SOX5: variants seen among roughly 807,000 people sequenced by gnomAD.
SOX5 encodes SRY-box transcription factor 5, also known as transcription factor SOX-5.
SOX5 carries 9 observed loss-of-function variants against 92.0 expected under a neutral mutation model. That is an observed-to-expected ratio of 0.10 (90% CI 0.06 to 0.17). The LOEUF (loss-of-function observed/expected upper bound fraction) is 0.17. SOX5 is among the 10% of genes least tolerant of loss of function. The pLI, the probability that SOX5 is intolerant of heterozygous loss-of-function variation, is 1.00. For missense variants in SOX5, 642 were observed against 944.5 expected (o/e 0.68, Z 4.20); for synonymous variants, 344 against 336.3 (o/e 1.02, Z -0.25).
chr12:24,027,711 T>A (rs1192769364), intron 4 of SOX5, among the ~76,000 whole-genome samples: 2 of 151,764 alleles, frequency 1.3e-5, no homozygotes, highest in Admixed American at 6.6e-5. Context: ...AGATGAAAAG[T>A]CACAAGGAGG....
intron 1 of SOX5, among the ~76,000 whole-genome samples, chr12:24,425,501 T>G (rs1186772711): frequency 6.6e-6 from 1 of 152,216 alleles, no homozygotes; most frequent in Admixed American, 6.5e-5. Flanking sequence ...TTGGAAGAGA[T>G]TGCAAAGCTG....
At position 24,228,750 on chromosome 12, in the gene SOX5, C is replaced by A. The variant is rs570559228; in HGVS notation, c.-76-15333G>T. Among the ~76,000 whole-genome samples the A allele has an allele frequency of 2.6e-5, 4 of 152,252 alleles. No individual in the cohort carries two copies. The South Asian group carries it at 8.3e-4, about 32-fold the overall frequency. ...TACCATTGAAGCACCCTGAATATTT[C>A]TCCTTCATTTCCATGCTAATCTTTC... On this transcript the variant is annotated intron_variant, in intron 3 of 4. Coordinates refer to the SOX5 transcript ENST00000446891.
intron 4 of SOX5, among the ~76,000 whole-genome samples, chr12:23,988,333 G>T (rs1950241445): frequency 6.6e-6 from 1 of 152,136 alleles, no homozygotes; most frequent in South Asian, 2.1e-4. Context: ...ACATAGGCAA[G>T]GAGATCCCAA....
chr12:24,260,116 G>C (rs906283127), intron 3 of SOX5, among the ~76,000 whole-genome samples: 2 of 152,130 alleles, frequency 1.3e-5, no homozygotes, highest in African/African-American at 4.8e-5. Context: ...GAGAGGAGTG[G>C]GTGGGGATGG....
intron 2 of SOX5, among the ~76,000 whole-genome samples, chr12:23,849,019 G>A (rs989288122): frequency 2.6e-5 from 4 of 152,036 alleles, no homozygotes; most frequent in African/African-American, 9.7e-5. Flanking sequence ...CTGAATTCTT[G>A]TTAATTCATT....
At chr12:24,153,576 C>G (rs1951868812) in intron 4 of SOX5, among the ~76,000 whole-genome samples, 1 of 152,118 alleles carries the variant, frequency 6.6e-6, no homozygotes, top group Non-Finnish European at 1.5e-5. Context: ...CCTGTTCTCA[C>G]ACATACATAG....
At chr12:23,791,424 C>G (rs569118787) in intron 3 of SOX5, among the ~76,000 whole-genome samples, 1 of 152,162 alleles carries the variant, frequency 6.6e-6, no homozygotes, top group African/African-American at 2.4e-5. Flanking sequence ...GCCTCAGCAC[C>G]CGGAGTAGCT....
intron 3 of SOX5, among the ~76,000 whole-genome samples, chr12:23,816,533 T>TTCTGC (rs2095998363): frequency 6.6e-6 from 1 of 152,010 alleles, no homozygotes; most frequent in Non-Finnish European, 1.5e-5. Context: ...GGATGGAGGT[T>TTCTGC]TACATCTAGC....
intron 4 of SOX5, among the ~76,000 whole-genome samples, chr12:23,743,251 A>G (rs1284862256): frequency 6.6e-6 from 1 of 152,184 alleles, no homozygotes; most frequent in African/African-American, 2.4e-5. Context: ...AAGCAAATTT[A>G]GCTACATATT....
chr12:23,703,593 T>C (rs773113695), intron 6 of SOX5, among the ~76,000 whole-genome samples: 1 of 151,974 alleles, frequency 6.6e-6, no homozygotes, highest in African/African-American at 2.4e-5. Flanking sequence ...AGAAGTCAAC[T>C]GCAGTGGAAT....
At chr12:24,192,097 G>A (rs1956582701) in intron 4 of SOX5, among the ~76,000 whole-genome samples, 1 of 152,146 alleles carries the variant, frequency 6.6e-6, no homozygotes, top group African/African-American at 2.4e-5. Flanking sequence ...TTTGTAAGCA[G>A]GTAAGTCAAA....
chr12:23,832,520 G>A (rs1447025933), intron 3 of SOX5, among the ~76,000 whole-genome samples: 2 of 151,970 alleles, frequency 1.3e-5, no homozygotes, highest in African/African-American at 2.4e-5. Flanking sequence ...AATACATAAT[G>A]TTTCTGGTAT....
intron 10 of SOX5, among the ~76,000 whole-genome samples, chr12:23,565,749 T>A (rs1301362664): frequency 6.4e-5 from 9 of 139,676 alleles, no homozygotes; most frequent in Admixed American, 6.3e-4. Flanking sequence ...GAGTTTTAGT[T>A]ATAATGCTGT....
chr12:24,108,636 A>T (rs58927654), intron 4 of SOX5, among the ~76,000 whole-genome samples: 7,517 of 152,244 alleles, frequency 0.049, 206 homozygotes, highest in Admixed American at 0.064. Context: ...TGGAATAGAC[A>T]TTTGTTTTAT....
chr12:23,750,241 T>A (rs2094139515), intron 4 of SOX5, among the ~76,000 whole-genome samples: 1 of 151,972 alleles, frequency 6.6e-6, no homozygotes, highest in African/African-American at 2.4e-5. Context: ...CTCAATTTTT[T>A]CATATGTAAA....
chr12:24,510,747 C>T (rs909893704), intron 1 of SOX5, among the ~76,000 whole-genome samples: 4 of 152,144 alleles, frequency 2.6e-5, no homozygotes, highest in Admixed American at 2.0e-4. Context: ...GATAGGAGAT[C>T]TGAAGAGAGG....
chr12:23,700,693 G>T (rs768843254), intron 6 of SOX5, among the ~76,000 whole-genome samples: 3 of 151,986 alleles, frequency 2.0e-5, no homozygotes, highest in Non-Finnish European at 4.4e-5. Context: ...ATAAAGTAGA[G>T]AATGGGTTAA....
intron 1 of SOX5, among the ~76,000 whole-genome samples, chr12:23,932,723 A>G (rs1385956050): frequency 6.6e-6 from 1 of 151,608 alleles, no homozygotes; most frequent in Non-Finnish European, 1.5e-5. Flanking sequence ...ATCTGATTAA[A>G]TGAACATTTT....
chr12:24,363,804 G>A (rs1319594471), intron 2 of SOX5, among the ~76,000 whole-genome samples: 1 of 151,796 alleles, frequency 6.6e-6, no homozygotes, highest in African/African-American at 2.4e-5. Flanking sequence ...GAATACCTAT[G>A]GAACATCTCT....
Sources: allele counts gnomAD v4.1 joint callset (sites outside exome capture counted in the v4.1 genomes callset), GRCh38; gene constraint gnomAD v4.1.1; transcripts MANE v1.5; gene names NCBI Gene and HGNC (gene_info 2026-07-23, HGNC 2026-07-21).